Variants in PLXDC2 observed in about 807,000 individuals in gnomAD.
The protein encoded by PLXDC2 is plexin domain containing 2.
Under a neutral mutation model 68.9 loss-of-function variants are expected in PLXDC2, and 40 were observed. That is an observed-to-expected ratio of 0.58 (90% CI 0.45 to 0.76). The LOEUF (loss-of-function observed/expected upper bound fraction) is 0.76. Among genes scored for constraint, PLXDC2 ranks in the 30% least tolerant of loss-of-function variants. The probability of loss-of-function intolerance (pLI) is 0.00; values close to 1 mark genes in which losing one functional copy is unlikely to be tolerated. For synonymous variants in PLXDC2, 243 were observed against 234.2 expected (o/e 1.04, Z -0.34); for missense variants, 644 against 661.9 (o/e 0.97, Z 0.30).
Position 19,868,392 on chromosome 10 carries a change from A to T in PLXDC2, c.112+51201A>T, listed in dbSNP as rs559758681. 3.3e-5 allele frequency among the ~76,000 whole-genome samples: 5 copies of T among 152,274 alleles called. No individual in the cohort carries two copies. The South Asian group carries it at 8.3e-4, about 25-fold the overall frequency. ...TTGGAAGCTTAGTCTAGTCATCTTC[A>T]TGTGCATTAAAATAAGGGAGTCCAT... On this transcript the variant is annotated intron_variant, in intron 1 of 13. Coordinates refer to ENST00000377252, the MANE Select transcript of PLXDC2 (RefSeq NM_032812.9).
intron 9 of PLXDC2, among the ~76,000 whole-genome samples, chr10:20,193,105 T>C (rs1834789373): frequency 6.6e-6 from 1 of 152,064 alleles, no homozygotes; most frequent in Non-Finnish European, 1.5e-5. Context: ...ATCCCTGCTC[T>C]TGTCTAAGTT....
chr10:20,218,022 C>T (rs1201738661), intron 11 of PLXDC2, among the ~76,000 whole-genome samples: 2 of 152,038 alleles, frequency 1.3e-5, no homozygotes, highest in African/African-American at 2.4e-5. Flanking sequence ...TTCCAGAATG[C>T]AGTCAATAAA....
chr10:20,275,378 C>G (rs147065308), intron 13 of PLXDC2, among the ~76,000 whole-genome samples: 253 of 152,276 alleles, frequency 1.7e-3, no homozygotes, highest in African/African-American at 5.8e-3. Context: ...TGCAGTTTAA[C>G]AAGATCCCTT....
intron 2 of PLXDC2, among the ~76,000 whole-genome samples, chr10:20,029,024 C>T (rs1274389916): frequency 6.6e-6 from 1 of 152,154 alleles, no homozygotes; most frequent in Non-Finnish European, 1.5e-5. Flanking sequence ...TTCTGTATTA[C>T]CTCTAGTTGA....
In PLXDC2 at chr10:19,816,513, C is replaced by G. The variant is rs7918855; in HGVS notation, c.-567C>G. On this transcript the variant is annotated 5_prime_UTR_variant, in exon 1 of 14. Coordinates refer to ENST00000377252, the MANE Select transcript of PLXDC2 (RefSeq NM_032812.9). ...CCGGCTGCGAGAAAGGACGCGCGCC[C>G]TGCGTCGGGCGAAGAAAAGAAGCAA... The G allele has an allele frequency of 0.025, 3,804 of 153,854 alleles. 136 individuals carry two copies. Among genetic ancestry groups the G allele is most frequent in the African/African-American group, 0.086 (3,558 of 41,278 alleles). 9.5% of individuals were successfully genotyped at this position (153,854 alleles called of 1,614,324 possible).
intron 9 of PLXDC2, among the ~76,000 whole-genome samples, chr10:20,178,719 G>A (rs1183795692): frequency 6.6e-6 from 1 of 152,010 alleles, no homozygotes; most frequent in Non-Finnish European, 1.5e-5. Context: ...ACAAGCTTTG[G>A]GAAACATTTT....
At chr10:20,087,860 A>G (rs1833221743) in intron 4 of PLXDC2, among the ~76,000 whole-genome samples, 1 of 152,116 alleles carries the variant, frequency 6.6e-6, no homozygotes, top group African/African-American at 2.4e-5. Flanking sequence ...TAATTTCCCT[A>G]CCACTTCCAA....
chr10:20,187,844 C>T (rs2131835897), intron 9 of PLXDC2, among the ~76,000 whole-genome samples: 1 of 151,918 alleles, frequency 6.6e-6, no homozygotes, highest in South Asian at 2.1e-4. Flanking sequence ...TGAGTGTAAA[C>T]ATGTATTTTA....
intron 1 of PLXDC2, among the ~76,000 whole-genome samples, chr10:19,944,226 C>T (rs1242611406): frequency 6.6e-6 from 1 of 152,088 alleles, no homozygotes; most frequent in Non-Finnish European, 1.5e-5. Context: ...ACTGAGAAGC[C>T]ATCCCATCGG....
intron 1 of PLXDC2, among the ~76,000 whole-genome samples, chr10:19,912,426 C>T (rs1176529114): frequency 6.6e-6 from 1 of 152,084 alleles, no homozygotes; most frequent in Non-Finnish European, 1.5e-5. Flanking sequence ...GAGAATGGGA[C>T]TTTGGGAGGT....
At chr10:20,063,659 A>G (rs1836143611) in intron 3 of PLXDC2, among the ~76,000 whole-genome samples, 1 of 152,232 alleles carries the variant, frequency 6.6e-6, no homozygotes, top group Non-Finnish European at 1.5e-5. Context: ...AAAAATATGT[A>G]AAGAAGGCAA....
At chr10:20,273,377 C>T (rs1835963861) in intron 13 of PLXDC2, among the ~76,000 whole-genome samples, 1 of 152,028 alleles carries the variant, frequency 6.6e-6, no homozygotes, top group African/African-American at 2.4e-5. Flanking sequence ...ATGATTATTA[C>T]TGAAAATAAT....
intron 1 of PLXDC2, among the ~76,000 whole-genome samples, chr10:19,821,398 C>A (rs868389821): frequency 6.6e-6 from 1 of 152,184 alleles, no homozygotes; most frequent in African/African-American, 2.4e-5. Context: ...CACAAAAGGA[C>A]GTGTTGTCTT....
intron 1 of PLXDC2, among the ~76,000 whole-genome samples, chr10:19,964,593 T>C (rs929123608): frequency 4.6e-5 from 7 of 152,322 alleles, no homozygotes; most frequent in African/African-American, 1.7e-4. Context: ...GAGCCTTGGG[T>C]GTGGGTTGCT....
At chr10:19,977,274 C>A in intron 1 of PLXDC2, among the ~76,000 whole-genome samples, 1 of 152,186 alleles carries the variant, frequency 6.6e-6, no homozygotes, top group East Asian at 1.9e-4. Context: ...TGGACTCTGA[C>A]CAACAGTATC....
intron 7 of PLXDC2, among the ~76,000 whole-genome samples, chr10:20,175,350 A>G (rs1484593306): frequency 6.6e-6 from 1 of 152,196 alleles, no homozygotes; most frequent in Non-Finnish European, 1.5e-5. Context: ...CTCACAGCAA[A>G]ACTGTGGTTT....
At chr10:20,026,488 C>G (rs989758211) in intron 2 of PLXDC2, among the ~76,000 whole-genome samples, 2 of 152,126 alleles carry the variant, frequency 1.3e-5, no homozygotes, top group African/African-American at 4.8e-5. Flanking sequence ...GAAGTGGTAT[C>G]TTTTCAGGAA....
intron 4 of PLXDC2, among the ~76,000 whole-genome samples, chr10:20,132,800 TG>T (rs1406981918): frequency 6.6e-6 from 1 of 152,100 alleles, no homozygotes; most frequent in Non-Finnish European, 1.5e-5. Context: ...AACCACTATA[TG>T]TCTTTTGATT....
intron 6 of PLXDC2, among the ~76,000 whole-genome samples, chr10:20,158,330 T>C (rs931945275): frequency 1.3e-5 from 2 of 152,048 alleles, no homozygotes; most frequent in Non-Finnish European, 2.9e-5. Flanking sequence ...CAATAACATG[T>C]TCATTCTTGT....
Sources: allele counts gnomAD v4.1 joint callset (sites outside exome capture counted in the v4.1 genomes callset), GRCh38; gene constraint gnomAD v4.1.1; transcripts MANE v1.5; gene names NCBI Gene and HGNC (gene_info 2026-07-23, HGNC 2026-07-21).